The following PLCB1 variants were observed in gnomAD, a reference collection of about 807,000 sequenced individuals.
PLCB1 encodes phospholipase C beta 1.
A neutral mutation model predicts 161.8 loss-of-function variants in PLCB1; 46 were observed. That is an observed-to-expected ratio of 0.28 (90% confidence interval 0.22 to 0.36). The LOEUF is 0.36. Among genes scored for constraint, PLCB1 ranks in the 10% least tolerant of loss-of-function variants. PLCB1 has a pLI of 1.00. For missense variants in PLCB1, 1,016 were observed against 1,472.5 expected (o/e 0.69, Z 5.07); for synonymous variants, 517 against 503.7 (o/e 1.03, Z -0.35).
At chr20:8,134,103 A>G (rs567924731) in intron 1 of PLCB1, among the ~76,000 whole-genome samples, 3 of 152,236 alleles carry the variant, frequency 2.0e-5, no homozygotes, top group Middle Eastern at 3.2e-3. Context: ...TCTTTTTACC[A>G]TGGGCTTCAC....
chr20:8,264,731 A>C (rs1306810851), intron 2 of PLCB1, among the ~76,000 whole-genome samples: 1 of 152,052 alleles, frequency 6.6e-6, no homozygotes, highest in Non-Finnish European at 1.5e-5. Context: ...GTGTGTGTGT[A>C]TGTAGGTACA....
chr20:8,262,773 C>G (rs1489949281), intron 2 of PLCB1, among the ~76,000 whole-genome samples: 1 of 152,112 alleles, frequency 6.6e-6, no homozygotes, highest in Non-Finnish European at 1.5e-5. Context: ...AGATTTGGTT[C>G]CTGGTGAGGA....
intron 3 of PLCB1, among the ~76,000 whole-genome samples, chr20:8,505,062 A>G (rs190047423): frequency 1.7e-4 from 26 of 152,082 alleles, no homozygotes; most frequent in Non-Finnish European, 2.2e-4. Context: ...GGCTCTTGCT[A>G]TGTTGTCCAG....
intron 27 of PLCB1, 147 bp downstream of exon 27, chr20:8,774,866 C>T (rs1218722997): frequency 5.5e-6 from 3 of 546,512 alleles, no homozygotes; most frequent in Non-Finnish European, 9.7e-6. Context: ...GTGTCCATCA[C>T]ACTATTGTTT....
intron 31 of PLCB1, among the ~76,000 whole-genome samples, chr20:8,869,322 G>C (rs1398853091): frequency 6.6e-6 from 1 of 152,166 alleles, no homozygotes; most frequent in East Asian, 1.9e-4. Context: ...TCTTCCAAAA[G>C]AAAACACCTA....
intron 22 of PLCB1, among the ~76,000 whole-genome samples, chr20:8,740,784 A>G (rs531346842): frequency 1.3e-5 from 2 of 152,264 alleles, no homozygotes; most frequent in African/African-American, 2.4e-5. Context: ...TCTTCCACCA[A>G]TTTTAGAATG....
At chr20:8,206,629 A>G (rs1011181160) in intron 2 of PLCB1, among the ~76,000 whole-genome samples, 2 of 152,166 alleles carry the variant, frequency 1.3e-5, no homozygotes, top group African/African-American at 4.8e-5. Context: ...ATTTTAGCTA[A>G]CATACTTTTT....
intron 31 of PLCB1, among the ~76,000 whole-genome samples, chr20:8,830,815 G>A (rs915880454): frequency 6.6e-6 from 1 of 152,118 alleles, no homozygotes; most frequent in African/African-American, 2.4e-5. Flanking sequence ...TTGCATAGAT[G>A]TCACAAGGAG....
intron 31 of PLCB1, among the ~76,000 whole-genome samples, chr20:8,811,434 G>T (rs1984815675): frequency 6.6e-6 from 1 of 152,178 alleles, no homozygotes; most frequent in Admixed American, 6.5e-5. Flanking sequence ...TCAAATGAAA[G>T]AGTTGCTTCT....
chr20:8,380,506 G>T (rs1426517835), intron 3 of PLCB1, among the ~76,000 whole-genome samples: 1 of 152,146 alleles, frequency 6.6e-6, no homozygotes, highest in Non-Finnish European at 1.5e-5. Context: ...AGTTTCATGG[G>T]TATAGTATTG....
intron 2 of PLCB1, among the ~76,000 whole-genome samples, chr20:8,238,404 T>G (rs1286949421): frequency 6.6e-6 from 1 of 151,940 alleles, no homozygotes; most frequent in Non-Finnish European, 1.5e-5. Flanking sequence ...CTCTGCACAG[T>G]TCCAAACCCA....
intron 2 of PLCB1, among the ~76,000 whole-genome samples, chr20:8,260,098 C>CT (rs35560559): frequency 2.8e-4 from 40 of 144,984 alleles, no homozygotes; most frequent in Admixed American, 9.7e-4. Context: ...CTTTTTTTTT[C>CT]TTTTTTTTTT....
intron 10 of PLCB1, among the ~76,000 whole-genome samples, chr20:8,688,704 G>A (rs1272275461): frequency 1.3e-5 from 2 of 152,102 alleles, no homozygotes; most frequent in African/African-American, 4.8e-5. Context: ...ATTGTTCTGA[G>A]TGCCTATTTT....
chr20:8,688,807 A>C (rs1990411959), intron 10 of PLCB1, among the ~76,000 whole-genome samples: 1 of 152,158 alleles, frequency 6.6e-6, no homozygotes, highest in African/African-American at 2.4e-5. Context: ...CTTTTTGCTT[A>C]GTCTTGCTTT....
rs566710593 is a variant in PLCB1 at position 8,166,387 on chromosome 20, C to G, written c.177+16016C>G. Among the ~76,000 whole-genome samples, 55 of 150,304 alleles carry G rather than the reference C, an allele frequency of 3.7e-4. 1 individual carries two copies. Among genetic ancestry groups the G allele is most frequent in the African/African-American group, 1.3e-3 (54 of 41,392 alleles). ...TGATAACCCCATTTTCCTCGAAACA[C>G]TTTCTTTTCTTGACTTTCTTTTTCT... On this transcript the variant is annotated intron_variant, in intron 2 of 31. Transcript: ENST00000338037.
Position 8,470,676 on chromosome 20 carries a change from C to T in PLCB1, c.246+99226C>T, listed in dbSNP as rs78143137. ...CCTCCCACCTCAGCCTCCCAAGTAG[C>T]TGGGACTACAAAGCACAAACTCTTT... On this transcript the variant is annotated intron_variant, in intron 3 of 31. Transcript: ENST00000338037. Among the ~76,000 whole-genome samples, 4 of 152,284 alleles carry T rather than the reference C, an allele frequency of 2.6e-5. No individual in the cohort carries two copies. The East Asian group carries it at 5.8e-4, about 22-fold the overall frequency.
intron 2 of PLCB1, among the ~76,000 whole-genome samples, chr20:8,291,051 A>T (rs1326839355): frequency 4.6e-5 from 7 of 151,960 alleles, no homozygotes; most frequent in Non-Finnish European, 8.8e-5. Context: ...GAAAAAAAAA[A>T]AAAAGAAATG....
At chr20:8,369,266 C>T (rs776245248) in intron 2 of PLCB1, among the ~76,000 whole-genome samples, 18 of 152,196 alleles carry the variant, frequency 1.2e-4, no homozygotes, top group Admixed American at 8.5e-4. Flanking sequence ...GTCAGTTCCT[C>T]CATTGCCATC....
intron 3 of PLCB1, among the ~76,000 whole-genome samples, chr20:8,431,157 C>T (rs918999659): frequency 3.9e-5 from 6 of 152,016 alleles, no homozygotes; most frequent in Admixed American, 1.3e-4. Context: ...AAGCCTCAAA[C>T]GAAGTGTAAA....
Sources: allele counts gnomAD v4.1 joint callset (sites outside exome capture counted in the v4.1 genomes callset), GRCh38; gene constraint gnomAD v4.1.1; transcripts MANE v1.5; gene names NCBI Gene and HGNC (gene_info 2026-07-23, HGNC 2026-07-21).